The following RBL1 variants were observed in gnomAD, a reference collection of about 807,000 sequenced individuals.
RBL1 encodes RB transcriptional corepressor like 1.
RBL1 carries 82 observed loss-of-function variants against 123.0 expected under a neutral mutation model. The observed-to-expected ratio is 0.67, with a 90% confidence interval of 0.56 to 0.80. The LOEUF is 0.80. Among genes scored for constraint, RBL1 ranks in the 30% least tolerant of loss-of-function variants. The pLI is 0.00. For missense variants in RBL1, 1,171 were observed against 1,299.6 expected (o/e 0.90, Z 1.52); for synonymous variants, 405 against 441.3 (o/e 0.92, Z 1.03).
chr20:37,023,714 T>C (rs1172983210), intron 16 of RBL1, among the ~76,000 whole-genome samples: 1 of 152,186 alleles, frequency 6.6e-6, no homozygotes, highest in African/African-American at 2.4e-5. Context: ...AAGATTGTTT[T>C]TTTATTTTAA....
At chr20:37,085,225 T>G (rs946102070) in intron 2 of RBL1, among the ~76,000 whole-genome samples, 1 of 149,960 alleles carries the variant, frequency 6.7e-6, no homozygotes, top group African/African-American at 2.4e-5. Context: ...TTCGCCTCCC[T>G]GGGTTCAAGC....
intron 5 of RBL1, 21 bp downstream of exon 5, chr20:37,066,972 A>G (rs1162262297): frequency 6.3e-7 from 1 of 1,587,420 alleles, no homozygotes; most frequent in Non-Finnish European, 8.5e-7. Flanking sequence ...TCAGTTTTCA[A>G]AAATAAATAA....
intron 19 of RBL1, among the ~76,000 whole-genome samples, chr20:37,017,731 A>C (rs2064280198): frequency 6.6e-6 from 1 of 151,466 alleles, no homozygotes; most frequent in African/African-American, 2.4e-5. Flanking sequence ...CCTGGTTTCA[A>C]GCGATTCTCC....
In RBL1 at chr20:37,044,087, T is replaced by C; in HGVS notation, c.1769A>G (p.Glu590Gly). 6.2e-7 allele frequency: 1 copy of C among 1,602,532 alleles called. No individual in the cohort carries two copies. Among genetic ancestry groups the C allele is most frequent in the South Asian group, 1.1e-5 (1 of 89,034 alleles). Residue 590 changes from glutamate (E) to glycine (G), a missense_variant and splice_region_variant, in exon 13 of 22, where the codon GAA (glutamate) becomes GGA (glycine). Transcript: ENST00000373664. ...ATTATCAGCCTTGCCCAGACTCACT[T>C]CTTCACAGGTAGGAACTTTGTTTGC... ...VSANKVPTCEEVIFPNNFETG... is the reference protein window; with the variant it reads ...VSANKVPTCEGVIFPNNFETG...
intron 13 of RBL1, among the ~76,000 whole-genome samples, chr20:37,041,997 C>T (rs1023620385): frequency 6.2e-5 from 9 of 144,728 alleles, no homozygotes; most frequent in South Asian, 2.3e-4. Context: ...GGCGTGAACC[C>T]GGGAGGTGGA....
chr20:37,004,092 G>GT (rs1248210306), intron 20 of RBL1, among the ~76,000 whole-genome samples: 1 of 146,168 alleles, frequency 6.8e-6, no homozygotes, highest in Non-Finnish European at 1.5e-5. Context: ...TTGAGATGGA[G>GT]TATCTCTTGC....
chr20:37,011,375 G>C (rs1124692), intron 19 of RBL1, among the ~76,000 whole-genome samples: 39,701 of 151,302 alleles, frequency 0.26, 6,011 homozygotes, highest in African/African-American at 0.41. Flanking sequence ...AACAGTTTCT[G>C]CTAGGCATAT....
At chr20:37,035,113 AT>A in intron 15 of RBL1, 128 bp downstream of exon 15, 1 of 929,608 alleles carries the variant, frequency 1.1e-6, no homozygotes, top group Non-Finnish European at 1.5e-6. Context: ...ATTCAAATCT[AT>A]TTAAAAAAAA....
At chr20:37,073,348 A>G (rs2065310656) in intron 2 of RBL1, among the ~76,000 whole-genome samples, 1 of 152,192 alleles carries the variant, frequency 6.6e-6, no homozygotes, top group Non-Finnish European at 1.5e-5. Context: ...TTTTAAAACT[A>G]AAATAAGAAG....
chr20:37,019,569 G>A (rs1357815153), intron 18 of RBL1, among the ~76,000 whole-genome samples: 1 of 152,142 alleles, frequency 6.6e-6, no homozygotes, highest in Admixed American at 6.6e-5. Context: ...TTCTTCAAAT[G>A]TCTCTATATT....
In RBL1 at chr20:37,083,370, T is replaced by C. The variant is rs1361447098; in HGVS notation, c.290+5619A>G. On this transcript the variant is annotated intron_variant, in intron 2 of 21. Coordinates refer to ENST00000373664, the MANE Select transcript of RBL1 (RefSeq NM_002895.5). The stretch of plus-strand genomic sequence containing the variant: ...GTAGTCCCAGCTACTCAGGAGGGCG[T>C]GGTGGGAGGATCACTTGAGCCCAGA... Among the ~76,000 whole-genome samples the C allele has an allele frequency of 2.0e-5, 3 of 150,940 alleles. No individual in the cohort carries two copies. The East Asian group carries it at 5.9e-4, about 30-fold the overall frequency.
chr20:37,081,865 T>G, intron 2 of RBL1: 1 of 356,520 alleles, frequency 2.8e-6, no homozygotes, highest in Non-Finnish European at 5.6e-6. Context: ...TTAGGAAGAT[T>G]TGAAATCTGA....
rs553065721 is a variant in RBL1, at chr20:37,015,598, T to C, written c.2722+2681A>G. Among the ~76,000 whole-genome samples the C allele has an allele frequency of 9.9e-5, 15 of 152,124 alleles. No individual in the cohort carries two copies. In the South Asian group the frequency reaches 2.7e-3, roughly 27 times the overall value. On this transcript the variant is annotated intron_variant, in intron 19 of 21. Coordinates refer to ENST00000373664, the MANE Select transcript of RBL1 (RefSeq NM_002895.5). ...GGCGCCCGCCACCACGCCCGGAGAA[T>C]TTTTTGTATTTTTAGTGGAGACGAG... is the stretch of plus-strand genomic sequence containing the variant.
intron 2 of RBL1, among the ~76,000 whole-genome samples, chr20:37,085,289 C>A (rs779122342): frequency 6.6e-6 from 1 of 151,726 alleles, no homozygotes; most frequent in Non-Finnish European, 1.5e-5. Flanking sequence ...CCCGCAACCA[C>A]GCCCAGCTAA....
intron 7 of RBL1, among the ~76,000 whole-genome samples, chr20:37,064,694 C>T (rs2065151276): frequency 6.6e-6 from 1 of 152,144 alleles, no homozygotes; most frequent in Admixed American, 6.5e-5. Context: ...ACTGCAGCCT[C>T]TGCCTCCTGG....
chr20:37,010,886 G>C (rs2064138891), intron 19 of RBL1, among the ~76,000 whole-genome samples: 2 of 152,138 alleles, frequency 1.3e-5, no homozygotes, highest in African/African-American at 4.8e-5. Context: ...TGCAATCATA[G>C]TGCACTCCAA....
Position 37,066,739 on chromosome 20 carries a change from T to A in RBL1, c.831A>T (p.Lys277Asn). 1 of 1,612,648 alleles carries A rather than the reference T, an allele frequency of 6.2e-7. No individual in the cohort carries two copies. Among genetic ancestry groups the A allele is most frequent in the Non-Finnish European group, 8.5e-7 (1 of 1,179,076 alleles). Residue 277 changes from lysine to asparagine, a missense_variant, in exon 6 of 22, where the codon AAA (lysine) becomes AAT (asparagine). By Grantham distance (94) the Lys-to-Asn change is moderately conservative (BLOSUM62 0). Transcript: ENST00000373664. ...KEHYFKPYIS[K>N]LFDRKILKGE... The stretch of plus-strand genomic sequence containing the variant: ...AGTACAGTACCTTCCTGTCAAAGAG[T>A]TTTGAAATATATGGCTTAAAGTAGT...
intron 13 of RBL1, among the ~76,000 whole-genome samples, chr20:37,040,874 T>C (rs1248836415): frequency 3.3e-5 from 5 of 152,138 alleles, no homozygotes; most frequent in Non-Finnish European, 5.9e-5. Context: ...AAATTGAGGA[T>C]CTGAATGTGA....
chr20:37,035,603 G>A (rs1028746853), intron 14 of RBL1, 95 bp from the exon 15 acceptor site: 3 of 1,091,884 alleles, frequency 2.7e-6, no homozygotes, highest in Non-Finnish European at 3.8e-6. Flanking sequence ...TACTTATGCT[G>A]GGCACTAGCT....
Sources: allele counts gnomAD v4.1 joint callset (sites outside exome capture counted in the v4.1 genomes callset), GRCh38; gene constraint gnomAD v4.1.1; transcripts MANE v1.5; gene names NCBI Gene and HGNC (gene_info 2026-07-23, HGNC 2026-07-21).